The following RNF38 variants were observed in gnomAD, a reference collection of about 807,000 sequenced individuals.
RNF38 encodes the protein ring finger protein 38.
A neutral mutation model predicts 67.2 loss-of-function variants in RNF38; 15 were observed. The observed-to-expected ratio is 0.22, with a 90% CI of 0.15 to 0.34. RNF38 has a LOEUF of 0.34. Among genes scored for constraint, RNF38 ranks in the 10% least tolerant of loss-of-function variants. The pLI, the probability that RNF38 is intolerant of heterozygous loss-of-function variation, is 1.00. For missense variants in RNF38, 524 were observed against 639.9 expected, an observed-to-expected ratio of 0.82 and a Z score of 1.95; for synonymous variants, 220 against 218.8, an observed-to-expected ratio of 1.01 and a Z score of -0.05.
chr9:36,421,863 T>C (rs1838637552), intron 2 of RNF38, among the ~76,000 whole-genome samples: 5 of 152,048 alleles, frequency 3.3e-5, no homozygotes, highest in Non-Finnish European at 7.4e-5. Flanking sequence ...GGCTGTTGTA[T>C]ATGTAGCGAT....
At chr9:36,400,856 C>CGTCCCG, upstream of RNF38, 1 of 985,126 alleles carries the variant, frequency 1.0e-6, no homozygotes, top group Non-Finnish European at 1.2e-6. Context: ...GCCTCGGCCC[C>CGTCCCG]GTCCCGCAAC....
At chr9:36,392,097 C>G (rs964095533) in intron 1 of RNF38, among the ~76,000 whole-genome samples, 15 of 152,116 alleles carry the variant, frequency 9.9e-5, no homozygotes, top group African/African-American at 3.6e-4. Flanking sequence ...CAGCCAGAAA[C>G]CGATCATAAA....
At chr9:36,433,179 C>T (rs1455897083) in intron 1 of RNF38, among the ~76,000 whole-genome samples, 1 of 96,640 alleles carries the variant, frequency 1.0e-5, no homozygotes, top group African/African-American at 3.9e-5. Context: ...TTAATGGGTA[C>T]AAAAAAAAAA....
chr9:36,467,930 C>G (rs939298805), intron 1 of RNF38, among the ~76,000 whole-genome samples: 1 of 152,150 alleles, frequency 6.6e-6, no homozygotes, highest in South Asian at 2.1e-4. Flanking sequence ...GGGGATGGAA[C>G]AGAAATCAGG....
intron 1 of RNF38, among the ~76,000 whole-genome samples, chr9:36,395,822 T>C (rs1442332128): frequency 6.6e-6 from 1 of 152,194 alleles, no homozygotes; most frequent in Non-Finnish European, 1.5e-5. Flanking sequence ...AACAAATACT[T>C]GCTAAGTAAA....
At chr9:36,375,890 T>C in intron 3 of RNF38, 44 bp downstream of exon 3, 2 of 1,538,080 alleles carry the variant, frequency 1.3e-6, no homozygotes, top group Non-Finnish European at 1.8e-6. Context: ...CTCACAAATC[T>C]ACCAATGGAA....
intron 1 of RNF38, among the ~76,000 whole-genome samples, chr9:36,463,835 C>A (rs1254110673): frequency 6.6e-6 from 1 of 152,200 alleles, no homozygotes; most frequent in Non-Finnish European, 1.5e-5. Flanking sequence ...CCCTAGCTCA[C>A]ACTTACTCTT....
intron 3 of RNF38, among the ~76,000 whole-genome samples, chr9:36,370,231 T>C (rs951284830): frequency 4.6e-5 from 7 of 152,194 alleles, no homozygotes; most frequent in South Asian, 4.1e-4. Flanking sequence ...AATAGTCTAA[T>C]AGCAACAATT....
In RNF38 at chr9:36,474,967, C is replaced by A. The variant is rs1380284218; in HGVS notation, n.241+12341G>T. Among the ~76,000 whole-genome samples, 7 of 146,558 alleles carry A rather than the reference C, an allele frequency of 4.8e-5. 2 individuals are homozygous for A. The highest frequency in any genetic ancestry group is 1.5e-4 in the African/African-American group (6 of 39,422). ...AACCAGCCTGGCCAACATGGTGAAA[C>A]CCCATGTCTACTAAAAATAAAAAAA... On this transcript the variant is annotated intron_variant and non_coding_transcript_variant, in intron 1 of 3. Coordinates refer to the RNF38 transcript ENST00000488058.
chr9:36,380,492 G>A (rs1286745981), intron 2 of RNF38, among the ~76,000 whole-genome samples: 15 of 149,282 alleles, frequency 1.0e-4, no homozygotes, highest in Non-Finnish European at 1.8e-4. Context: ...GAGCCACTGC[G>A]CCCGGCCTGT....
intron 8 of RNF38, 64 bp from the exon 9 acceptor site, chr9:36,351,263 G>A: frequency 9.4e-7 from 1 of 1,066,524 alleles, no homozygotes. Flanking sequence ...AACAGGACAG[G>A]GAGGACAGAG....
At chr9:36,409,291 GAA>G (rs1838261505) in intron 2 of RNF38, among the ~76,000 whole-genome samples, 1 of 145,466 alleles carries the variant, frequency 6.9e-6, no homozygotes, top group Non-Finnish European at 1.5e-5. Context: ...AGAAAGAAAA[GAA>G]AGAGAGAGAA....
intron 1 of RNF38, 143 bp downstream of exon 1, chr9:36,399,954 G>C: frequency 1.4e-6 from 1 of 729,352 alleles, no homozygotes; most frequent in Non-Finnish European, 2.2e-6. Context: ...TAAGTCCACC[G>C]CTTAAGAAAA....
At chr9:36,420,566 G>GTAC (rs1320055442) in intron 2 of RNF38, among the ~76,000 whole-genome samples, 1 of 128,742 alleles carries the variant, frequency 7.8e-6, no homozygotes, top group Non-Finnish European at 1.8e-5. Context: ...CCTTCTCCCA[G>GTAC]TACTTCTATG....
chr9:36,371,514 TC>T (rs1341004101), intron 3 of RNF38, among the ~76,000 whole-genome samples: 1 of 150,252 alleles, frequency 6.7e-6, no homozygotes, highest in African/African-American at 2.5e-5. Context: ...GCACGATCTC[TC>T]GGCTCACTGC....
chr9:36,391,285 T>C (rs763856929), intron 1 of RNF38, among the ~76,000 whole-genome samples: 7 of 152,168 alleles, frequency 4.6e-5, no homozygotes, highest in Non-Finnish European at 8.8e-5. Context: ...GGTGGGAGGA[T>C]CGCCCCAGTT....
intron 1 of RNF38, among the ~76,000 whole-genome samples, chr9:36,397,273 C>A (rs1837613768): frequency 6.6e-6 from 1 of 151,752 alleles, no homozygotes; most frequent in Non-Finnish European, 1.5e-5. Context: ...GTCACCACAC[C>A]CGACTAATTT....
upstream of RNF38, among the ~76,000 whole-genome samples, chr9:36,405,157 C>G (rs1264161517): frequency 6.6e-6 from 1 of 152,068 alleles, no homozygotes; most frequent in Non-Finnish European, 1.5e-5. Flanking sequence ...CTCCTAGCTA[C>G]TTGGGATGCT....
intron 1 of RNF38, among the ~76,000 whole-genome samples, chr9:36,470,756 C>T (rs532820144): frequency 6.6e-6 from 1 of 152,284 alleles, no homozygotes; most frequent in African/African-American, 2.4e-5. Context: ...GACACCTTCA[C>T]CAACATCTAG....
Sources: gnomAD v4.1 joint callset for allele counts (sites outside exome capture counted in the v4.1 genomes callset) on GRCh38, gnomAD v4.1.1 for gene constraint, MANE v1.5 for transcripts, NCBI Gene and HGNC (gene_info 2026-07-23, HGNC 2026-07-21) for gene names.